ACTR3C: variants seen among roughly 807,000 people sequenced by gnomAD.
ACTR3C encodes the protein actin-related protein 3C.
In ACTR3C, 18 loss-of-function variants were observed where a neutral mutation model predicts 26.3. The observed-to-expected ratio is 0.68, with a 90% CI of 0.47 to 1.01. The LOEUF is 1.01. ACTR3C is among the 50% of genes least tolerant of loss of function. The probability of loss-of-function intolerance (pLI) is 0.00; values close to 1 mark genes in which losing one functional copy is unlikely to be tolerated. For missense variants in ACTR3C, 184 were observed against 250.7 expected (o/e 0.73, Z 1.80); for synonymous variants, 55 against 94.5 (o/e 0.58, Z 2.42).
chr7:150,126,816 C>T, the ACTR3C span, among the ~76,000 whole-genome samples: 4 of 152,248 alleles, frequency 2.6e-5, no homozygotes, highest in East Asian at 3.9e-4. Flanking sequence ...GGTATGTTCA[C>T]GGTTGTCTGC....
the ACTR3C span, among the ~76,000 whole-genome samples, chr7:150,036,423 C>T: frequency 3.4e-5 from 5 of 146,740 alleles, no homozygotes; most frequent in African/African-American, 9.8e-5. Flanking sequence ...CATCTTTTCT[C>T]TCTCTGACGC....
the ACTR3C span, among the ~76,000 whole-genome samples, chr7:149,943,555 G>A: frequency 5.0e-4 from 75 of 151,484 alleles, no homozygotes; most frequent in African/African-American, 1.7e-3. Context: ...GGTGAAACCC[G>A]GTCTCTACTA....
chr7:149,986,731 G>A, the ACTR3C span, among the ~76,000 whole-genome samples: 1 of 151,844 alleles, frequency 6.6e-6, no homozygotes. Context: ...CCACCCATTG[G>A]TAGCCTGAAA....
At chr7:150,136,955 A>G in the ACTR3C span, among the ~76,000 whole-genome samples, 1 of 152,270 alleles carries the variant, frequency 6.6e-6, no homozygotes, top group South Asian at 2.1e-4. Flanking sequence ...TCCACCTCAG[A>G]TATTAGGCAT....
chr7:149,941,803 C>T, the ACTR3C span, among the ~76,000 whole-genome samples: 1 of 152,166 alleles, frequency 6.6e-6, no homozygotes, highest in Non-Finnish European at 1.5e-5. Flanking sequence ...CAAGAGGAAC[C>T]TTCTAATGAG....
the ACTR3C span, among the ~76,000 whole-genome samples, chr7:150,228,507 AT>A: frequency 6.6e-6 from 1 of 152,204 alleles, no homozygotes; most frequent in African/African-American, 2.4e-5. Flanking sequence ...ACCCAATGTA[AT>A]TACAAGGGTC....
chr7:150,223,085 T>G, the ACTR3C span, among the ~76,000 whole-genome samples: 2 of 152,206 alleles, frequency 1.3e-5, no homozygotes, highest in Non-Finnish European at 1.5e-5. Flanking sequence ...CAAAGGATGT[T>G]TATTCCCGAT....
intron 6 of ACTR3C, among the ~76,000 whole-genome samples, chr7:150,280,718 G>T (rs1835246201): frequency 6.6e-6 from 1 of 151,926 alleles, no homozygotes; most frequent in South Asian, 2.1e-4. Flanking sequence ...GCTTGATTGT[G>T]GTAAGCATTC....
chr7:149,888,592 T>C, the ACTR3C span, among the ~76,000 whole-genome samples: 5 of 152,368 alleles, frequency 3.3e-5, no homozygotes, highest in African/African-American at 1.2e-4. Flanking sequence ...ATAGAAGTTC[T>C]TTATATATTC....
chr7:150,135,250 G>C, the ACTR3C span, among the ~76,000 whole-genome samples: 1 of 151,968 alleles, frequency 6.6e-6, no homozygotes, highest in Non-Finnish European at 1.5e-5. Context: ...CCAACCCGGG[G>C]GACACAGCGA....
chr7:150,317,065 TTTCCTTCA>T (rs1207642660), intron 1 of ACTR3C, among the ~76,000 whole-genome samples: 2 of 139,726 alleles, frequency 1.4e-5, no homozygotes, highest in Non-Finnish European at 3.1e-5. Flanking sequence ...TCCTTCCTTC[TTTCCTTCA>T]TTTATTTATT....
chr7:149,966,329 T>A, the ACTR3C span, among the ~76,000 whole-genome samples: 3 of 152,172 alleles, frequency 2.0e-5, no homozygotes, highest in Admixed American at 2.0e-4. Flanking sequence ...GGATTAAACA[T>A]CAGGTAAAAC....
chr7:150,259,989 A>G (rs995145961), intron 6 of ACTR3C, among the ~76,000 whole-genome samples: 5 of 152,174 alleles, frequency 3.3e-5, no homozygotes, highest in Admixed American at 2.6e-4. Context: ...TTTGTTCCGT[A>G]CTGCAATATC....
chr7:150,234,796 A>C, the ACTR3C span, among the ~76,000 whole-genome samples: 2 of 152,192 alleles, frequency 1.3e-5, no homozygotes, highest in African/African-American at 4.8e-5. Flanking sequence ...AGTGGAAGCA[A>C]TGACTTTTAA....
chr7:150,100,982 G>C, the ACTR3C span, among the ~76,000 whole-genome samples: 1 of 151,566 alleles, frequency 6.6e-6, no homozygotes, highest in African/African-American at 2.4e-5. Flanking sequence ...TGGGATTATA[G>C]GCGTGAGCCA....
the ACTR3C span, among the ~76,000 whole-genome samples, chr7:149,885,726 G>A: frequency 6.6e-6 from 1 of 152,244 alleles, no homozygotes; most frequent in Non-Finnish European, 1.5e-5. Flanking sequence ...GTCCCACACA[G>A]CAGGAGCCCC....
chr7:150,048,404 A>C, the ACTR3C span, among the ~76,000 whole-genome samples: 2 of 151,602 alleles, frequency 1.3e-5, no homozygotes, highest in African/African-American at 4.9e-5. Context: ...CAGCCCGGAG[A>C]GGGCACGGGG....
At chr7:150,238,208 G>A in the ACTR3C span, among the ~76,000 whole-genome samples, 1 of 142,294 alleles carries the variant, frequency 7.0e-6, no homozygotes, top group Non-Finnish European at 1.5e-5. Flanking sequence ...GCATACTCAT[G>A]TTTCATATAA....
At chr7:150,107,387 T>C in the ACTR3C span, among the ~76,000 whole-genome samples, 276 of 152,014 alleles carry the variant, frequency 1.8e-3, 2 homozygotes, top group South Asian at 3.5e-3. Flanking sequence ...TGTAAGAAGA[T>C]GGGATCAATC....
Sources: allele counts gnomAD v4.1 joint callset (sites outside exome capture counted in the v4.1 genomes callset), GRCh38; gene constraint gnomAD v4.1.1; transcripts MANE v1.5; gene names NCBI Gene and HGNC (gene_info 2026-07-23, HGNC 2026-07-21).